MYRIP: variants seen among roughly 807,000 people sequenced by gnomAD.
MYRIP encodes the protein rab effector MyRIP.
MYRIP carries 49 observed loss-of-function variants against 98.0 expected under a neutral mutation model. The ratio of observed to expected loss-of-function variants is 0.50; its 90% CI spans 0.40 to 0.63. The LOEUF is 0.63. Ranked by LOEUF, MYRIP falls within the 30% of genes least tolerant of loss-of-function variation. The pLI, the probability that MYRIP is intolerant of heterozygous loss-of-function variation, is 0.00. For synonymous variants in MYRIP, 404 were observed against 409.5 expected, an observed-to-expected ratio of 0.99 and a Z score of 0.16; for missense variants, 1,004 against 1,058.2, an observed-to-expected ratio of 0.95 and a Z score of 0.71.
At chr3:40,077,909 G>A (rs535435412) in intron 3 of MYRIP, among the ~76,000 whole-genome samples, 12 of 123,858 alleles carry the variant, frequency 9.7e-5, no homozygotes, top group East Asian at 3.2e-4. Flanking sequence ...CCAGTCCCGC[G>A]CCCTGCGCCC....
intron 1 of MYRIP, among the ~76,000 whole-genome samples, chr3:39,816,022 T>G (rs1303533149): frequency 2.6e-5 from 4 of 151,958 alleles, no homozygotes; most frequent in African/African-American, 9.7e-5. Context: ...TATGAAAACG[T>G]TATATTTCCA....
intron 3 of MYRIP, among the ~76,000 whole-genome samples, chr3:40,122,545 TC>T (rs957814431): frequency 1.3e-5 from 2 of 151,862 alleles, no homozygotes; most frequent in African/African-American, 4.8e-5. Context: ...CACATTTTTT[TC>T]TATAGATACA....
intron 11 of MYRIP, among the ~76,000 whole-genome samples, chr3:40,219,065 G>T (rs1952242300): frequency 6.6e-6 from 1 of 152,124 alleles, no homozygotes; most frequent in African/African-American, 2.4e-5. Context: ...ATCAAAGAAA[G>T]ATCCTTTAAG....
intron 2 of MYRIP, chr3:39,970,096 G>A (rs1316082919): frequency 1.3e-5 from 2 of 151,684 alleles, no homozygotes; most frequent in Non-Finnish European, 3.0e-5. Context: ...TTTCTAGTTT[G>A]TGTGTTCGTT....
intron 2 of MYRIP, among the ~76,000 whole-genome samples, chr3:39,929,807 A>G (rs1944497441): frequency 6.6e-6 from 1 of 152,012 alleles, no homozygotes; most frequent in African/African-American, 2.4e-5. Flanking sequence ...TGGACACTTT[A>G]TGTGTCCAGG....
chr3:40,121,038 G>A (rs372952759), intron 3 of MYRIP, among the ~76,000 whole-genome samples: 5 of 152,246 alleles, frequency 3.3e-5, no homozygotes, highest in African/African-American at 1.2e-4. Context: ...GAGCCATGGA[G>A]ACCAGCTGAG....
chr3:39,986,897 C>G lies in MYRIP; in HGVS notation c.111-57153C>G, dbSNP rs114265721. ...CTGAGGCCATATCTCTGCTTGTCCC[C>G]TTCTTCTCTTGTATCCTGCTTCCTT... On this transcript the variant is annotated intron_variant, in intron 2 of 16. Coordinates refer to ENST00000302541, the MANE Select transcript of MYRIP (RefSeq NM_015460.4). Among the ~76,000 whole-genome samples, 231 of 152,252 alleles carry G rather than the reference C, an allele frequency of 1.5e-3. 1 individual carries two copies. The highest frequency in any genetic ancestry group is 5.3e-3 in the African/African-American group (222 of 41,536).
chr3:40,125,683 T>G (rs1158448093), intron 3 of MYRIP, among the ~76,000 whole-genome samples: 6 of 152,198 alleles, frequency 3.9e-5, no homozygotes, highest in Non-Finnish European at 5.9e-5. Flanking sequence ...TGTCTCCCTC[T>G]AATTGCTGTA....
chr3:40,139,053 A>G lies in MYRIP; in HGVS notation c.333-11995A>G, dbSNP rs559066367. 4.7e-4 allele frequency among the ~76,000 whole-genome samples: 72 copies of G among 152,264 alleles called. 2 individuals are homozygous for G. In the Middle Eastern group the frequency reaches 0.02, roughly 43 times the overall value. On this transcript the variant is annotated intron_variant, in intron 3 of 16. Coordinates refer to ENST00000302541, the MANE Select transcript of MYRIP (RefSeq NM_015460.4). Reference sequence around the variant, plus strand: ...AGATCAATTTATTTAGCTTCCACATATGAGTGAGAACATGCTGTGTTTAAC... The same window carrying G: ...AGATCAATTTATTTAGCTTCCACATGTGAGTGAGAACATGCTGTGTTTAAC...
chr3:39,863,139 A>G (rs967191779), intron 1 of MYRIP, among the ~76,000 whole-genome samples: 1 of 152,148 alleles, frequency 6.6e-6, no homozygotes, highest in African/African-American at 2.4e-5. Flanking sequence ...TACTACAATC[A>G]TAGGGACACA....
intron 1 of MYRIP, among the ~76,000 whole-genome samples, chr3:39,834,138 A>T (rs1240419743): frequency 1.3e-5 from 2 of 152,240 alleles, no homozygotes; most frequent in Non-Finnish European, 2.9e-5. Context: ...AGCCTTTGGT[A>T]GTCCCTCTCA....
intron 3 of MYRIP, among the ~76,000 whole-genome samples, chr3:40,142,474 AT>A (rs962090072): frequency 4.6e-5 from 7 of 151,410 alleles, no homozygotes; most frequent in African/African-American, 1.5e-4. Flanking sequence ...TAACTTGGAA[AT>A]TTTTTTTTAT....
At chr3:40,081,538 T>G (rs1423858282) in intron 3 of MYRIP, among the ~76,000 whole-genome samples, 1 of 152,236 alleles carries the variant, frequency 6.6e-6, no homozygotes, top group Non-Finnish European at 1.5e-5. Context: ...TTGTGTTTAA[T>G]CTGCTATATA....
chr3:40,202,857 G>A (rs1268053667), intron 10 of MYRIP, among the ~76,000 whole-genome samples: 1 of 152,084 alleles, frequency 6.6e-6, no homozygotes, highest in South Asian at 2.1e-4. Context: ...GAAATGTCTC[G>A]TACCTTCTTC....
chr3:39,940,776 G>T (rs1944764948), intron 2 of MYRIP, among the ~76,000 whole-genome samples: 1 of 152,014 alleles, frequency 6.6e-6, no homozygotes, highest in Non-Finnish European at 1.5e-5. Context: ...TTTGTTTATT[G>T]AAATTAATTT....
At chr3:40,112,459 A>G (rs1184877180) in intron 3 of MYRIP, among the ~76,000 whole-genome samples, 1 of 152,156 alleles carries the variant, frequency 6.6e-6, no homozygotes, top group African/African-American at 2.4e-5. Context: ...TCTAATTTCT[A>G]CTCTAGTAGA....
rs889118522 is a variant in MYRIP, at chr3:40,115,142, T to C, written c.333-35906T>C. Among the ~76,000 whole-genome samples the C allele has an allele frequency of 3.9e-5, 6 of 152,264 alleles. No individual in the cohort carries two copies. The South Asian group carries it at 1.0e-3, about 26-fold the overall frequency. ...TCCAAGCCCAAAAATTTGGGAAATA[T>C]TCAAGAAAAAGTTGCTCCTAGTGTG... On this transcript the variant is annotated intron_variant, in intron 3 of 16. Coordinates refer to ENST00000302541, the MANE Select transcript of MYRIP (RefSeq NM_015460.4).
At position 40,149,001 on chromosome 3, in the gene MYRIP, A is replaced by G. The variant is rs79000767; in HGVS notation, c.333-2047A>G. On this transcript the variant is annotated intron_variant, in intron 3 of 16. Coordinates refer to ENST00000302541, the MANE Select transcript of MYRIP (RefSeq NM_015460.4). Reference sequence around the variant, plus strand: ...ACAGGCTTTGCCTTGGTGTACGTGTATGATATCTGATGGGCAGGCATGTAG... The same window carrying G: ...ACAGGCTTTGCCTTGGTGTACGTGTGTGATATCTGATGGGCAGGCATGTAG... Among the ~76,000 whole-genome samples the G allele has an allele frequency of 2.6e-5, 4 of 152,230 alleles. No individual in the cohort carries two copies. The East Asian group carries it at 7.7e-4, about 29-fold the overall frequency.
chr3:39,951,645 T>A (rs1945019664), intron 2 of MYRIP, among the ~76,000 whole-genome samples: 1 of 152,132 alleles, frequency 6.6e-6, no homozygotes, highest in Non-Finnish European at 1.5e-5. Context: ...TTATGAAATA[T>A]TATTCTTTTG....
Sources: allele counts gnomAD v4.1 joint callset (sites outside exome capture counted in the v4.1 genomes callset), GRCh38; gene constraint gnomAD v4.1.1; transcripts MANE v1.5; gene names NCBI Gene and HGNC (gene_info 2026-07-23, HGNC 2026-07-21).